BCHE: variants seen among roughly 807,000 people sequenced by gnomAD.
BCHE encodes cholinesterase.
In BCHE, 48 loss-of-function variants were observed where a neutral mutation model predicts 51.3. The ratio of observed to expected loss-of-function variants is 0.94; its 90% CI spans 0.74 to 1.19. The LOEUF is 1.19. Among genes scored for constraint, BCHE ranks in the 50% most tolerant of loss-of-function variants. The pLI is 0.00. For synonymous variants in BCHE, 251 were observed against 238.0 expected (o/e 1.05, Z -0.50); for missense variants, 847 against 708.2 (o/e 1.20, Z -2.23).
intron 1 of BCHE, among the ~76,000 whole-genome samples, chr3:165,835,217 A>T (rs1427908980): frequency 6.6e-6 from 1 of 151,652 alleles, no homozygotes; most frequent in Non-Finnish European, 1.5e-5. Context: ...TTTTTAATTC[A>T]ATTTTGAAAG....
intron 2 of BCHE, among the ~76,000 whole-genome samples, chr3:165,806,267 C>T (rs185147587): frequency 1.3e-5 from 2 of 152,252 alleles, no homozygotes; most frequent in Admixed American, 1.3e-4. Context: ...TTTACTTTCT[C>T]TTTCTCTATC....
rs7626617 is a variant in BCHE at position 165,786,130 on chromosome 3, T to C, written c.1684+15A>G. On this transcript the variant is annotated intron_variant, in intron 3 of 3. Coordinates refer to ENST00000264381, the MANE Select transcript of BCHE (RefSeq NM_000055.4). ...CATCATCTATTAAATAACCAAACAC[T>C]AAAAACAGACACACCTGTCATTTCC... The C allele has an allele frequency of 8.2e-4, 1,318 of 1,609,030 alleles. 7 individuals carry two copies. The African/African-American group carries it at 0.015, about 19-fold the overall frequency.
chr3:165,820,627 G>A (rs1714481182), intron 2 of BCHE, among the ~76,000 whole-genome samples: 1 of 151,962 alleles, frequency 6.6e-6, no homozygotes, highest in Non-Finnish European at 1.5e-5. Flanking sequence ...TGTAGAATCA[G>A]AGGGTAAGAA....
intron 2 of BCHE, among the ~76,000 whole-genome samples, chr3:165,808,618 G>A (rs570413422): frequency 1.3e-5 from 2 of 151,926 alleles, no homozygotes; most frequent in East Asian, 3.9e-4. Context: ...AATTTGAAAC[G>A]CTATGACTAT....
rs761774959 is a variant in BCHE, at chr3:165,829,664, G to A, written c.1370C>T (p.Pro457Leu). Residue 457 changes from proline (P) to leucine (L), a missense_variant, in exon 2 of 4, where the codon CCG becomes CTG. Transcript: ENST00000264381. ...CATCACTCCCATCCATTCTGGCCAC[G>A]GAAGTTTGGAGGATCGGTGTTCAAA... ...YYFEHRSSKL[P>L]WPEWMGVMHG... 9 of 1,613,652 alleles carry A rather than the reference G, an allele frequency of 5.6e-6. No homozygotes were observed. Among genetic ancestry groups the A allele is most frequent in the Admixed American group, 1.7e-5 (1 of 59,908 alleles).
chr3:165,784,642 A>G (rs963752096), intron 3 of BCHE, among the ~76,000 whole-genome samples: 11 of 151,912 alleles, frequency 7.2e-5, no homozygotes, highest in African/African-American at 2.7e-4. Context: ...GCAGGTAAGT[A>G]TTTGGAAATA....
intron 2 of BCHE, among the ~76,000 whole-genome samples, chr3:165,824,389 A>G (rs1299886013): frequency 6.6e-6 from 1 of 152,016 alleles, no homozygotes; most frequent in East Asian, 1.9e-4. Flanking sequence ...AAAGACTCTC[A>G]AGAAATAGGA....
chr3:165,802,060 C>A (rs1165032655), intron 2 of BCHE, among the ~76,000 whole-genome samples: 1 of 152,202 alleles, frequency 6.6e-6, no homozygotes, highest in Non-Finnish European at 1.5e-5. Flanking sequence ...ATGTCCCCAA[C>A]TTGCTTCCAG....
chr3:165,776,188 T>C (rs1366957941), intron 3 of BCHE, among the ~76,000 whole-genome samples: 1 of 151,990 alleles, frequency 6.6e-6, no homozygotes, highest in Non-Finnish European at 1.5e-5. Flanking sequence ...TGGTAGGCAA[T>C]GTATTTGCTT....
chr3:165,813,698 A>G (rs1425647750), intron 2 of BCHE, among the ~76,000 whole-genome samples: 12 of 151,918 alleles, frequency 7.9e-5, no homozygotes, highest in Admixed American at 7.9e-4. Flanking sequence ...AATTTCAAGG[A>G]TAACAAAGGA....
In BCHE at chr3:165,830,012, T is replaced by G; in HGVS notation, c.1022A>C (p.Lys341Thr). Reference protein sequence around the residue: ...PDILLELGQFKKTQILVGVNK... With the variant: ...PDILLELGQFTKTQILVGVNK... Reference sequence around the variant, plus strand: ...AACACCCACCAAAATCTGGGTTTTTTTAAATTGTCCAAGTTCAAGTAATAT... The same window carrying G: ...AACACCCACCAAAATCTGGGTTTTTGTAAATTGTCCAAGTTCAAGTAATAT... The change falls in exon 2 of 4, where the codon AAA (lysine) becomes ACA (threonine). Residue 341 changes from lysine to threonine, a missense_variant. Transcript: ENST00000264381. The G allele has an allele frequency of 6.2e-7, 1 of 1,613,838 alleles. No homozygotes were observed. The highest frequency in any genetic ancestry group is 1.1e-5 in the South Asian group (1 of 91,080).
At chr3:165,812,607 G>A (rs1714143687) in intron 2 of BCHE, among the ~76,000 whole-genome samples, 1 of 151,324 alleles carries the variant, frequency 6.6e-6, no homozygotes, top group Admixed American at 6.6e-5. Context: ...AACTACTGTA[G>A]AACAATAGAA....
At chr3:165,779,949 G>T (rs1712623041) in intron 3 of BCHE, among the ~76,000 whole-genome samples, 1 of 152,022 alleles carries the variant, frequency 6.6e-6, no homozygotes, top group Non-Finnish European at 1.5e-5. Context: ...AGCCTGCATA[G>T]CAAAAACAAT....
chr3:165,828,831 A>T (rs561300531), intron 2 of BCHE, among the ~76,000 whole-genome samples: 1 of 152,234 alleles, frequency 6.6e-6, no homozygotes, highest in Non-Finnish European at 1.5e-5. Context: ...TACTATCACA[A>T]TACTTATAAT....
intron 2 of BCHE, among the ~76,000 whole-genome samples, chr3:165,803,951 A>T (rs991063204): frequency 6.6e-6 from 1 of 152,152 alleles, no homozygotes; most frequent in Non-Finnish European, 1.5e-5. Context: ...TGGAATAAAC[A>T]TGCACAGGAA....
chr3:165,820,686 TCTA>T (rs1714483993), intron 2 of BCHE, among the ~76,000 whole-genome samples: 1 of 151,964 alleles, frequency 6.6e-6, no homozygotes, highest in African/African-American at 2.4e-5. Flanking sequence ...TGTCGGAAAA[TCTA>T]ATTATAAGTC....
intron 2 of BCHE, among the ~76,000 whole-genome samples, chr3:165,794,326 G>A (rs1480633529): frequency 1.3e-5 from 2 of 152,216 alleles, no homozygotes; most frequent in South Asian, 2.1e-4. Context: ...AAAGAAAAAT[G>A]TAAGTATTTT....
At chr3:165,814,955 T>C (rs1714248764) in intron 2 of BCHE, among the ~76,000 whole-genome samples, 2 of 148,722 alleles carry the variant, frequency 1.3e-5, no homozygotes, top group Non-Finnish European at 3.0e-5. Context: ...TAATTATAAA[T>C]TTTATATCTA....
intron 2 of BCHE, among the ~76,000 whole-genome samples, chr3:165,806,427 T>C (rs139888872): frequency 6.6e-6 from 1 of 152,226 alleles, no homozygotes; most frequent in Non-Finnish European, 1.5e-5. Context: ...GTTCTCATTA[T>C]GTGGTTTGGT....
Sources: allele counts gnomAD v4.1 joint callset (sites outside exome capture counted in the v4.1 genomes callset), GRCh38; gene constraint gnomAD v4.1.1; transcripts MANE v1.5; gene names NCBI Gene and HGNC (gene_info 2026-07-23, HGNC 2026-07-21).